The following CLDN14 variants were observed in gnomAD, a reference collection of about 807,000 sequenced individuals.
CLDN14 encodes the protein claudin-14.
A neutral mutation model predicts 2.1 loss-of-function variants in CLDN14; 2 were observed. The observed-to-expected ratio is 0.96, with a 90% CI of 0.39 to 3.01. The LOEUF is 3.01. Among genes scored for constraint, CLDN14 ranks in the 30% most tolerant of loss-of-function variants. The pLI is 0.09. For missense variants in CLDN14, 298 were observed against 328.0 expected (o/e 0.91, Z 0.71); for synonymous variants, 136 against 154.4 (o/e 0.88, Z 0.88).
intron 1 of CLDN14, among the ~76,000 whole-genome samples, chr21:36,556,661 G>T (rs1407945131): frequency 6.6e-6 from 1 of 152,176 alleles, no homozygotes; most frequent in African/African-American, 2.4e-5. Context: ...GGAAATAAAA[G>T]GTACCAGCTC....
chr21:36,462,618 C>T (rs903503887), intron 1 of CLDN14, among the ~76,000 whole-genome samples: 17 of 152,092 alleles, frequency 1.1e-4, no homozygotes, highest in Non-Finnish European at 1.9e-4. Flanking sequence ...CCAGCATCAA[C>T]ATAGGGCCAG....
chr21:36,556,777 T>A (rs2087601874), intron 1 of CLDN14, among the ~76,000 whole-genome samples: 1 of 152,168 alleles, frequency 6.6e-6, no homozygotes, highest in Non-Finnish European at 1.5e-5. Context: ...GATTCTCTTC[T>A]CTCTCTCTAT....
chr21:36,557,516 C>T (rs565815935), intron 1 of CLDN14, among the ~76,000 whole-genome samples: 1 of 151,928 alleles, frequency 6.6e-6, no homozygotes, highest in Non-Finnish European at 1.5e-5. Context: ...GGTTTTGATT[C>T]GCATTTCCTT....
At chr21:36,530,338 C>T (rs967135435) in intron 1 of CLDN14, among the ~76,000 whole-genome samples, 62 of 152,334 alleles carry the variant, frequency 4.1e-4, no homozygotes, top group African/African-American at 1.4e-3. Context: ...AGCAGCTCCC[C>T]CTGCACAGAG....
chr21:36,493,680 A>G (rs191557247), intron 2 of CLDN14, among the ~76,000 whole-genome samples: 5 of 152,180 alleles, frequency 3.3e-5, no homozygotes, highest in Admixed American at 6.5e-5. Context: ...CACAGCTAAC[A>G]TTGTGGAGCG....
intron 1 of CLDN14, among the ~76,000 whole-genome samples, chr21:36,462,842 A>G (rs2086595460): frequency 6.6e-6 from 1 of 151,796 alleles, no homozygotes; most frequent in Non-Finnish European, 1.5e-5. Flanking sequence ...CGCTTGAACC[A>G]GGAAGGCTGA....
At chr21:36,568,079 G>A (rs1446106983) in intron 1 of CLDN14, among the ~76,000 whole-genome samples, 1 of 152,170 alleles carries the variant, frequency 6.6e-6, no homozygotes, top group Non-Finnish European at 1.5e-5. Context: ...TGGGATGAGA[G>A]GGCCCTAGAG....
At chr21:36,534,910 G>A (rs550386601) in intron 1 of CLDN14, among the ~76,000 whole-genome samples, 12 of 152,176 alleles carry the variant, frequency 7.9e-5, no homozygotes, top group Admixed American at 1.3e-4. Context: ...TGAGGCCAGC[G>A]TAATCTAACC....
At chr21:36,485,968 C>A in intron 2 of CLDN14, 1 of 1,418,106 alleles carries the variant, frequency 7.1e-7, no homozygotes, top group South Asian at 1.2e-5. Flanking sequence ...GCTCAGCTAC[C>A]CTTTCCCTCC....
At chr21:36,539,968 G>GTATGTGTGTAGTATGTGGTA (rs2087473444) in intron 1 of CLDN14, among the ~76,000 whole-genome samples, 1 of 151,496 alleles carries the variant, frequency 6.6e-6, no homozygotes, top group Non-Finnish European at 1.5e-5. Context: ...TGTGGAGTAT[G>GTATGTGTGTAGTATGTGGTA]TATGTGTGTA....
At chr21:36,483,638 T>G (rs1463594766), upstream of CLDN14, among the ~76,000 whole-genome samples, 1 of 152,224 alleles carries the variant, frequency 6.6e-6, no homozygotes, top group Non-Finnish European at 1.5e-5. Flanking sequence ...CATCTTTGGT[T>G]AAAAGAACGG....
chr21:36,487,356 T>C (rs2146457799), intron 2 of CLDN14: 1 of 177,978 alleles, frequency 5.6e-6, no homozygotes, highest in Non-Finnish European at 1.3e-5. Context: ...GAAGAAGTCC[T>C]CATTCTGCAC....
At chr21:36,542,154 G>A (rs1001342104) in intron 1 of CLDN14, among the ~76,000 whole-genome samples, 1 of 152,120 alleles carries the variant, frequency 6.6e-6, no homozygotes. Context: ...TAGTAGAGAC[G>A]GGGTTTCACC....
intron 1 of CLDN14, among the ~76,000 whole-genome samples, chr21:36,557,805 G>A (rs1353787503): frequency 6.6e-6 from 1 of 152,072 alleles, no homozygotes; most frequent in East Asian, 1.9e-4. Flanking sequence ...AATCCCATTT[G>A]CCTATTTTTG....
At chr21:36,557,977 A>C (rs1180951186) in intron 1 of CLDN14, among the ~76,000 whole-genome samples, 1 of 152,102 alleles carries the variant, frequency 6.6e-6, no homozygotes, top group Non-Finnish European at 1.5e-5. Context: ...TAATGGTCCA[A>C]TTTCATTCTT....
intron 1 of CLDN14, among the ~76,000 whole-genome samples, chr21:36,529,328 G>A (rs759249629): frequency 2.3e-4 from 35 of 151,422 alleles, no homozygotes; most frequent in African/African-American, 1.7e-4. Context: ...TCTGTCTGTC[G>A]CCCAGGCTAG....
chr21:36,571,218 G>T (rs1227922683), intron 1 of CLDN14, among the ~76,000 whole-genome samples: 1 of 152,184 alleles, frequency 6.6e-6, no homozygotes, highest in Non-Finnish European at 1.5e-5. Flanking sequence ...GATATTACTG[G>T]CTTAGATTAG....
intron 2 of CLDN14, among the ~76,000 whole-genome samples, chr21:36,494,192 T>C (rs1026961487): frequency 3.9e-5 from 6 of 152,130 alleles, no homozygotes; most frequent in African/African-American, 1.4e-4. Flanking sequence ...CGGGGGACTG[T>C]GAGATTTCCT....
chr21:36,568,539 T>G (rs2087688400), intron 1 of CLDN14, among the ~76,000 whole-genome samples: 1 of 152,192 alleles, frequency 6.6e-6, no homozygotes, highest in Non-Finnish European at 1.5e-5. Flanking sequence ...ACTGCAAACA[T>G]GCTTTTGGCT....
Sources: gnomAD v4.1 joint callset for allele counts (sites outside exome capture counted in the v4.1 genomes callset) on GRCh38, gnomAD v4.1.1 for gene constraint, MANE v1.5 for transcripts, NCBI Gene and HGNC (gene_info 2026-07-23, HGNC 2026-07-21) for gene names.